The following USP42 variants were observed in gnomAD, a reference collection of about 807,000 sequenced individuals.
USP42 encodes ubiquitin carboxyl-terminal hydrolase 42.
A neutral mutation model predicts 113.0 loss-of-function variants in USP42; 23 were observed. The observed-to-expected ratio is 0.20, with a 90% CI of 0.15 to 0.29. The LOEUF (loss-of-function observed/expected upper bound fraction) is 0.29, where lower values mean the gene tolerates loss of function less well. USP42 is among the 10% of genes least tolerant of loss of function. The probability of loss-of-function intolerance (pLI) is 1.00; values close to 1 mark genes in which losing one functional copy is unlikely to be tolerated. For synonymous variants in USP42, 933 were observed against 699.0 expected (o/e 1.33, Z -5.28); for missense variants, 2,174 against 1,779.8 (o/e 1.22, Z -3.99).
At chr7:6,103,746 AAAAAAAAAAC>A (rs1790215552), upstream of USP42, among the ~76,000 whole-genome samples, 1 of 149,586 alleles carries the variant, frequency 6.7e-6, no homozygotes, top group African/African-American at 2.5e-5. Context: ...TACAAAAAAA[AAAAAAAAAAC>A]AAAACTTAAA....
chr7:6,135,730 A>G (rs996674352), intron 3 of USP42, 111 bp from the exon 4 acceptor site: 6 of 454,204 alleles, frequency 1.3e-5, no homozygotes, highest in African/African-American at 8.2e-5. Context: ...CAAGGCATGC[A>G]TATAGCAGCT....
chr7:6,146,098 C>A, intron 10 of USP42, 50 bp from the exon 11 acceptor site: 1 of 1,285,374 alleles, frequency 7.8e-7, no homozygotes, highest in Non-Finnish European at 1.1e-6. Flanking sequence ...TGACTATGTT[C>A]CATGTTTAAT....
chr7:6,152,592 C>G (rs767902955), intron 14 of USP42, among the ~76,000 whole-genome samples: 1 of 152,152 alleles, frequency 6.6e-6, no homozygotes, highest in Non-Finnish European at 1.5e-5. Context: ...AGGGAACACT[C>G]ATTCCCAACC....
chr7:6,129,556 C>G (rs1475139187), intron 3 of USP42, among the ~76,000 whole-genome samples: 1 of 97,750 alleles, frequency 1.0e-5, no homozygotes, highest in Non-Finnish European at 1.9e-5. Context: ...GGCTCTGCCT[C>G]AGGAAAAAAA....
intron 3 of USP42, among the ~76,000 whole-genome samples, chr7:6,124,821 A>G (rs189609821): frequency 6.6e-6 from 1 of 150,872 alleles, no homozygotes; most frequent in East Asian, 1.9e-4. Context: ...CATATTTTTG[A>G]TATTTTTTTT....
upstream of USP42, among the ~76,000 whole-genome samples, chr7:6,100,046 GCTCA>G (rs1346794280): frequency 7.5e-6 from 1 of 133,434 alleles, no homozygotes; most frequent in Non-Finnish European, 1.6e-5. Flanking sequence ...AGAGACTGGG[GCTCA>G]CTATGTTGCC....
chr7:6,143,844 G>T (rs1191875409), intron 8 of USP42, among the ~76,000 whole-genome samples: 6 of 152,068 alleles, frequency 3.9e-5, no homozygotes, highest in Non-Finnish European at 8.8e-5. Context: ...TTGGTGGCTT[G>T]CGTGGCTTGG....
chr7:6,133,319 A>G lies in USP42; in HGVS notation c.443-2522A>G, dbSNP rs538928124. On this transcript the variant is annotated intron_variant, in intron 3 of 17. Coordinates refer to ENST00000306177, the MANE Select transcript of USP42 (RefSeq NM_032172.3). ...GTCCTTTTACCTTCAGACTCTAATG[A>G]TGTATATCAGGGGCAACTTAAAATT... Among the ~76,000 whole-genome samples, 138 of 152,194 alleles carry G rather than the reference A, an allele frequency of 9.1e-4. 2 individuals carry two copies. Among genetic ancestry groups the G allele is most frequent in the Admixed American group, 8.4e-3 (129 of 15,278 alleles).
intron 8 of USP42, among the ~76,000 whole-genome samples, 173 bp downstream of exon 8, chr7:6,143,187 T>C (rs1251519155): frequency 6.6e-6 from 1 of 152,160 alleles, no homozygotes. Flanking sequence ...TTGATGTGTG[T>C]GTTTCTGCAA....
At position 6,128,952 on chromosome 7, in the gene USP42, C is replaced by CT. The variant is rs1022857917; in HGVS notation, c.443-6887dup. On this transcript the variant is annotated intron_variant, in intron 3 of 17. Coordinates refer to ENST00000306177, the MANE Select transcript of USP42 (RefSeq NM_032172.3). ...CCTCCTGCCTCAGCCCCGCAAGTGG[C>CT]TTGGACTACAGCTGTGCGCGACCAT... Among the ~76,000 whole-genome samples, 28 of 152,252 alleles carry CT rather than the reference C, an allele frequency of 1.8e-4. 2 individuals are homozygous for CT. The highest frequency in any genetic ancestry group is 3.4e-3 in the Middle Eastern group (1 of 294).
chr7:6,115,962 G>C (rs79003656), intron 3 of USP42, among the ~76,000 whole-genome samples: 205 of 152,130 alleles, frequency 1.3e-3, no homozygotes, highest in African/African-American at 4.8e-3. Context: ...AATTAGTCTA[G>C]CATGGCAGCA....
intron 7 of USP42, among the ~76,000 whole-genome samples, chr7:6,142,302 C>T (rs1036078863): frequency 6.6e-6 from 1 of 151,734 alleles, no homozygotes; most frequent in Non-Finnish European, 1.5e-5. Context: ...CTGCAACCTC[C>T]ACCTCCTGGG....
Position 6,111,049 on chromosome 7 carries a change from C to T in USP42, c.-9-76C>T, listed in dbSNP as rs1779570712. 2.8e-6 allele frequency: 4 copies of T among 1,446,324 alleles called. No homozygotes were observed. The East Asian group carries it at 9.4e-5, about 34-fold the overall frequency. The allele number at this position is 1,446,324 out of a possible 1,614,324, so 89.6% of individuals were successfully genotyped here. On this transcript the variant is annotated intron_variant, in intron 1 of 17. Coordinates refer to ENST00000306177, the MANE Select transcript of USP42 (RefSeq NM_032172.3). ...ACTTTAAAATGGCTGGAATGATCTTCCAAGATCTAACGGTAGGGTAAGGAG... is the reference window on the plus strand; with the variant it reads ...ACTTTAAAATGGCTGGAATGATCTTTCAAGATCTAACGGTAGGGTAAGGAG...
Position 6,149,996 on chromosome 7 carries a change from C to G in USP42, c.1800C>G (p.Asn600Lys), listed in dbSNP as rs745421722. 6.2e-7 allele frequency: 1 copy of G among 1,613,564 alleles called. No individual in the cohort carries two copies. Among genetic ancestry groups the G allele is most frequent in the East Asian group, 2.2e-5 (1 of 44,888 alleles). Reference sequence around the variant, plus strand: ...TGATGAATGGCAAATCCAAGCTGAACTCCAGCGTGCTGGTGCCCTATGGCG... The same window carrying G: ...TGATGAATGGCAAATCCAAGCTGAAGTCCAGCGTGCTGGTGCCCTATGGCG... ...QPVMNGKSKLNSSVLVPYGAE... is the reference protein window; with the variant it reads ...QPVMNGKSKLKSSVLVPYGAE... Residue 600 changes from asparagine (N) to lysine (K), a missense_variant, in exon 13 of 18, where the codon AAC (asparagine) becomes AAG (lysine). Asn to Lys is a moderately conservative substitution (Grantham distance 94). Coordinates refer to ENST00000306177, the MANE Select transcript of USP42 (RefSeq NM_032172.3).
chr7:6,121,870 A>C (rs1403477035), intron 3 of USP42, among the ~76,000 whole-genome samples: 6 of 152,162 alleles, frequency 3.9e-5, no homozygotes, highest in African/African-American at 1.4e-4. Context: ...TATGTTGCCC[A>C]GGGTAGTCTT....
At chr7:6,084,087 C>T in the USP42 span, among the ~76,000 whole-genome samples, 2 of 151,210 alleles carry the variant, frequency 1.3e-5, no homozygotes, top group East Asian at 3.9e-4. Flanking sequence ...AGTGCAGTGG[C>T]TCAATCTCGG....
chr7:6,138,954 A>G (rs1781303634), intron 4 of USP42, 138 bp from the exon 5 acceptor site: 1 of 586,184 alleles, frequency 1.7e-6, no homozygotes, highest in South Asian at 2.4e-5. Context: ...TTAGTGGCTT[A>G]TGTTAGTGCT....
chr7:6,091,071 T>A, the USP42 span, among the ~76,000 whole-genome samples: 1 of 150,920 alleles, frequency 6.6e-6, no homozygotes, highest in African/African-American at 2.5e-5. Context: ...TTGATTGTGT[T>A]CTTCATTAAG....
At chr7:6,137,497 T>G (rs538799992) in intron 4 of USP42, among the ~76,000 whole-genome samples, 2 of 152,260 alleles carry the variant, frequency 1.3e-5, no homozygotes, top group South Asian at 4.1e-4. Context: ...TAGCTGGGAT[T>G]ACAGACGTGT....
Sources: gnomAD v4.1 joint callset for allele counts (sites outside exome capture counted in the v4.1 genomes callset) on GRCh38, gnomAD v4.1.1 for gene constraint, MANE v1.5 for transcripts, NCBI Gene and HGNC (gene_info 2026-07-23, HGNC 2026-07-21) for gene names.